Variants in LRRC28 observed in about 807,000 individuals in gnomAD.
LRRC28 encodes the protein leucine rich repeat containing 28, also known as leucine-rich repeat-containing protein 28.
Under a neutral mutation model 45.7 loss-of-function variants are expected in LRRC28, and 39 were observed. The observed-to-expected ratio is 0.85, with a 90% confidence interval of 0.66 to 1.12. The LOEUF (loss-of-function observed/expected upper bound fraction) is 1.12. Ranked by LOEUF, LRRC28 falls within the 50% of genes most tolerant of loss-of-function variation. LRRC28 has a pLI of 0.00. For synonymous variants in LRRC28, 206 were observed against 178.8 expected (o/e 1.15, Z -1.22); for missense variants, 435 against 438.5 (o/e 0.99, Z 0.07).
At chr15:99,346,049 A>C (rs528035952) in intron 6 of LRRC28, among the ~76,000 whole-genome samples, 1 of 151,858 alleles carries the variant, frequency 6.6e-6, no homozygotes, top group Non-Finnish European at 1.5e-5. Flanking sequence ...TGGTGTAGTC[A>C]TGGCTCACTG....
intron 9 of LRRC28, among the ~76,000 whole-genome samples, chr15:99,363,696 A>G (rs1261285884): frequency 6.6e-6 from 1 of 152,362 alleles, no homozygotes; most frequent in East Asian, 1.9e-4. Context: ...GCGCACACAC[A>G]CACATTTCTG....
At chr15:99,297,036 C>T (rs896438797) in intron 5 of LRRC28, among the ~76,000 whole-genome samples, 2 of 151,898 alleles carry the variant, frequency 1.3e-5, no homozygotes, top group Non-Finnish European at 2.9e-5. Flanking sequence ...AAATAATTAG[C>T]CGGGTGTGGT....
intron 5 of LRRC28, among the ~76,000 whole-genome samples, chr15:99,310,020 G>C: frequency 6.6e-6 from 1 of 152,192 alleles, no homozygotes; most frequent in Non-Finnish European, 1.5e-5. Context: ...ATCAGTCAGA[G>C]ACTTCTGAGG....
In LRRC28 at chr15:99,282,176, G is replaced by GTTTTTTTTTTTTTTT. The variant is rs1476287973; in HGVS notation, c.210-5081_210-5080insTTTTTTTTTTTTTTT. ...GGGATTCCTTATGCAAATTTTTGGA[G>GTTTTTTTTTTTTTTT]GTTTTTTTTTTTTTTGTAGCAGTAG... is the stretch of plus-strand genomic sequence containing the variant. On this transcript the variant is annotated intron_variant, in intron 3 of 9. Coordinates refer to ENST00000301981, the MANE Select transcript of LRRC28 (RefSeq NM_144598.5). Among the ~76,000 whole-genome samples the GTTTTTTTTTTTTTTT allele has an allele frequency of 1.2e-4, 4 of 33,874 alleles. 1 individual carries two copies. The highest frequency in any genetic ancestry group is 2.1e-4 in the African/African-American group (1 of 4,790). The allele number at this position is 33,874 out of a possible 152,430, so 22.2% of individuals were successfully genotyped here. A position where few individuals can be genotyped will look rare whatever the true frequency, so the allele number is the denominator to read the frequency against.
chr15:99,305,580 C>G (rs1326681997), intron 5 of LRRC28, among the ~76,000 whole-genome samples: 1 of 152,116 alleles, frequency 6.6e-6, no homozygotes. Flanking sequence ...TTTCAGGATT[C>G]AAGCTTTAGC....
intron 3 of LRRC28, chr15:99,285,754 C>T (rs1262298833): frequency 7.6e-6 from 4 of 523,542 alleles, no homozygotes; most frequent in African/African-American, 3.9e-5. Flanking sequence ...GACATTTTAA[C>T]GTCTTTTTTA....
intron 5 of LRRC28, among the ~76,000 whole-genome samples, chr15:99,309,066 C>A (rs1268613301): frequency 6.6e-6 from 1 of 152,178 alleles, no homozygotes; most frequent in African/African-American, 2.4e-5. Flanking sequence ...CTTGTTTATT[C>A]CATTCTATAA....
intron 5 of LRRC28, among the ~76,000 whole-genome samples, chr15:99,325,977 G>T (rs1386752602): frequency 1.3e-5 from 2 of 152,166 alleles, no homozygotes; most frequent in Non-Finnish European, 2.9e-5. Context: ...GGGAAGGCTT[G>T]TTGGTTGAGT....
chr15:99,381,203 C>T (rs1450903417), intron 9 of LRRC28, among the ~76,000 whole-genome samples: 1 of 152,076 alleles, frequency 6.6e-6, no homozygotes, highest in Admixed American at 6.5e-5. Flanking sequence ...TCACATAGTC[C>T]CATATTTCTT....
At chr15:99,348,758 G>GTT (rs199840536) in intron 6 of LRRC28, among the ~76,000 whole-genome samples, 1 of 136,430 alleles carries the variant, frequency 7.3e-6, no homozygotes. Flanking sequence ...TTTTTTTTTT[G>GTT]TTTTTTTTGT....
intron 9 of LRRC28, among the ~76,000 whole-genome samples, chr15:99,364,031 C>G (rs1957277523): frequency 6.6e-6 from 1 of 152,176 alleles, no homozygotes; most frequent in African/African-American, 2.4e-5. Flanking sequence ...GAAGCCATTA[C>G]CCCTCTTTCC....
Position 99,363,298 on chromosome 15 carries a change from A to T in LRRC28, c.1031+33A>T, listed in dbSNP as rs1334988559. The T allele has an allele frequency of 1.9e-6, 3 of 1,609,772 alleles. No homozygotes were observed. The Admixed American group carries it at 5.0e-5, about 27-fold the overall frequency. ...TGCCTAAGTGGGCACCAGGGTTTAC[A>T]CCCAGGCAAGGGGTGGCAGGTGGGG... On this transcript the variant is annotated intron_variant, in intron 9 of 9. Transcript: ENST00000301981.
At chr15:99,299,381 T>C (rs2082341050) in intron 5 of LRRC28, among the ~76,000 whole-genome samples, 1 of 152,188 alleles carries the variant, frequency 6.6e-6, no homozygotes, top group Non-Finnish European at 1.5e-5. Context: ...GAAGAAAAAG[T>C]AATAAAGACA....
intron 5 of LRRC28, among the ~76,000 whole-genome samples, chr15:99,333,290 TG>T (rs1956215478): frequency 6.6e-6 from 1 of 152,222 alleles, no homozygotes; most frequent in Non-Finnish European, 1.5e-5. Flanking sequence ...GTATTTAATT[TG>T]GGAATTAAAG....
At chr15:99,347,525 A>G (rs1956732799) in intron 6 of LRRC28, among the ~76,000 whole-genome samples, 1 of 152,178 alleles carries the variant, frequency 6.6e-6, no homozygotes, top group Non-Finnish European at 1.5e-5. Flanking sequence ...TATATAAGTG[A>G]GACTGTGCAA....
chr15:99,352,447 A>C lies in LRRC28; in HGVS notation c.671A>C (p.Tyr224Ser). The C allele has an allele frequency of 6.2e-7, 1 of 1,613,926 alleles. No homozygotes were observed. Among genetic ancestry groups the C allele is most frequent in the African/African-American group, 1.3e-5 (1 of 75,034 alleles). The change falls in exon 7 of 10, where the codon TAC (tyrosine) becomes TCC (serine). Residue 224 changes from tyrosine to serine, a missense_variant. Transcript: ENST00000301981. ...IHLKGLPSYL[Y>S]NKVIGCSGCG... ...CTGAAAGGCTTGCCATCTTATCTGT[A>C]CAATAAAGTCATCGGGTGCAGTGGG...
chr15:99,361,840 T>G (rs1185256409), intron 8 of LRRC28, among the ~76,000 whole-genome samples: 1 of 152,232 alleles, frequency 6.6e-6, no homozygotes, highest in Non-Finnish European at 1.5e-5. Context: ...AGTTCAAGTT[T>G]CAAGTAAGGA....
In LRRC28 at chr15:99,331,737, C is replaced by T. The variant is rs960428813; in HGVS notation, c.386-2186C>T. ...TTTTCTGCTCTTCTCCCATTGGTGT[C>T]TCTGTCATTTGCTGGTCCCCAAAGA... On this transcript the variant is annotated intron_variant, in intron 5 of 9. Transcript: ENST00000301981. Among the ~76,000 whole-genome samples the T allele has an allele frequency of 2.0e-5, 3 of 152,142 alleles. No homozygotes were observed. The South Asian group carries it at 6.2e-4, about 31-fold the overall frequency.
rs1955194655 is a variant in LRRC28, at chr15:99,306,705, T to TGGTTTTAAA, written c.385+18754_385+18755insGGTTTTAAA. 1.1e-4 allele frequency among the ~76,000 whole-genome samples: 16 copies of TGGTTTTAAA among 152,346 alleles called. No homozygotes were observed. In the South Asian group the frequency reaches 3.3e-3, roughly 32 times the overall value. On this transcript the variant is annotated intron_variant, in intron 5 of 9. Coordinates refer to ENST00000301981, the MANE Select transcript of LRRC28 (RefSeq NM_144598.5). ...GTTCTGGCAGGTTTTAAAAGAAGCC[T>TGGTTTTAAA]AGTTTTATACCTTGGCTCTGGCACC...
Sources: gnomAD v4.1 joint callset for allele counts (sites outside exome capture counted in the v4.1 genomes callset) on GRCh38, gnomAD v4.1.1 for gene constraint, MANE v1.5 for transcripts, NCBI Gene and HGNC (gene_info 2026-07-23, HGNC 2026-07-21) for gene names.